KIF25: variants seen among roughly 807,000 people sequenced by gnomAD.
The protein encoded by KIF25 is kinesin family member 25, also known as kinesin-like protein KIF25.
Under a neutral mutation model 32.9 loss-of-function variants are expected in KIF25, and 19 were observed. The ratio of observed to expected loss-of-function variants is 0.58; its 90% CI spans 0.40 to 0.85. KIF25 has a LOEUF of 0.85. KIF25 is among the 40% of genes least tolerant of loss of function. The pLI, the probability that KIF25 is intolerant of heterozygous loss-of-function variation, is 0.00. For synonymous variants in KIF25, 225 were observed against 213.7 expected (o/e 1.05, Z -0.46); for missense variants, 485 against 507.0 (o/e 0.96, Z 0.42).
chr6:168,033,455 G>A (rs1798969787), intron 7 of KIF25, among the ~76,000 whole-genome samples: 1 of 149,944 alleles, frequency 6.7e-6, no homozygotes, highest in South Asian at 2.1e-4. Context: ...AGCCAAAATT[G>A]TGCCATTGCA....
intron 5 of KIF25, among the ~76,000 whole-genome samples, chr6:168,026,642 A>T (rs1217650526): frequency 2.0e-5 from 3 of 152,172 alleles, no homozygotes; most frequent in Non-Finnish European, 4.4e-5. Context: ...TGAGGGGGAA[A>T]GTTCAATTTT....
At chr6:168,034,085 G>T in intron 8 of KIF25, 54 bp downstream of exon 8, 1 of 1,595,944 alleles carries the variant, frequency 6.3e-7, no homozygotes, top group Non-Finnish European at 8.6e-7. Flanking sequence ...AAGCCAGGCG[G>T]TCAGCACCTT....
intron 8 of KIF25, among the ~76,000 whole-genome samples, chr6:168,036,809 C>A (rs1799031621): frequency 6.6e-6 from 1 of 152,186 alleles, no homozygotes; most frequent in Non-Finnish European, 1.5e-5. Flanking sequence ...CACCTATAAT[C>A]CCATAACTTT....
chr6:168,030,627 A>G, intron 6 of KIF25, 146 bp from the exon 7 acceptor site: 3 of 570,176 alleles, frequency 5.3e-6, no homozygotes, highest in Non-Finnish European at 9.4e-6. Flanking sequence ...GAAAAATAAC[A>G]CAGATTAATC....
chr6:168,024,877 C>T (rs186566711), intron 5 of KIF25, among the ~76,000 whole-genome samples: 4 of 152,056 alleles, frequency 2.6e-5, no homozygotes, highest in Admixed American at 2.6e-4. Flanking sequence ...ATGGTGAAAC[C>T]TCATCTCTAC....
intron 4 of KIF25, among the ~76,000 whole-genome samples, chr6:168,016,445 C>G (rs1798715593): frequency 6.6e-6 from 1 of 152,240 alleles, no homozygotes; most frequent in Non-Finnish European, 1.5e-5. Context: ...GCCCCAGCCA[C>G]CGGCTGCTCC....
intron 5 of KIF25, among the ~76,000 whole-genome samples, chr6:168,019,838 A>C (rs1328643046): frequency 2.6e-5 from 4 of 152,140 alleles, no homozygotes; most frequent in Non-Finnish European, 5.9e-5. Flanking sequence ...AGAACATTTG[A>C]AGAAGTCGGC....
In KIF25 at chr6:168,040,140, G is replaced by A; in HGVS notation, c.570G>A (p.Leu190=). 6.2e-7 allele frequency: 1 copy of A among 1,614,098 alleles called. No individual in the cohort carries two copies. The highest frequency in any genetic ancestry group is 2.2e-5 in the East Asian group (1 of 44,890). Residue 190 remains leucine (L), a synonymous_variant, in exon 10 of 13, where the codon CTG becomes CTA. Transcript: ENST00000643607. ...AGCTCAGGGCGAAGCACCCCACCCT[G>A]GTGCACGCGGATTCCTCCAGGTCTC... ...GLQLRAKHPT[L]VHADSSRSHL... is the part of the protein sequence containing the mutation.
intron 4 of KIF25, among the ~76,000 whole-genome samples, chr6:168,008,544 C>A (rs1798606881): frequency 6.6e-6 from 1 of 152,014 alleles, no homozygotes; most frequent in Non-Finnish European, 1.5e-5. Flanking sequence ...CTCAGCATTT[C>A]TTTGGCCTTT....
At chr6:168,039,667 T>A (rs1799086748) in intron 9 of KIF25, among the ~76,000 whole-genome samples, 1 of 152,250 alleles carries the variant, frequency 6.6e-6, no homozygotes, top group Admixed American at 6.5e-5. Context: ...GATTAAGAGC[T>A]CTGATTAGCA....
intron 4 of KIF25, among the ~76,000 whole-genome samples, chr6:168,014,303 A>T (rs1310282974): frequency 2.0e-5 from 3 of 152,110 alleles, no homozygotes; most frequent in Non-Finnish European, 4.4e-5. Context: ...TATTAACATC[A>T]CTGTTTGTTG....
rs572490182 is a variant in KIF25 at position 167,999,288 on chromosome 6, T to C, written c.-402T>C. On this transcript the variant is annotated 5_prime_UTR_variant, in exon 2 of 13. Transcript: ENST00000643607. ...GGATTCGTCCTTTGTTGCCTTTTGATAGTGAATCCGACGATCCAGTTTTGC... is the reference window on the plus strand; with the variant it reads ...GGATTCGTCCTTTGTTGCCTTTTGACAGTGAATCCGACGATCCAGTTTTGC... 1 of 152,372 alleles carries C rather than the reference T, an allele frequency of 6.6e-6. No individual in the cohort carries two copies. The highest frequency in any genetic ancestry group is 2.4e-5 in the African/African-American group (1 of 41,582). The allele number at this position is 152,372 out of a possible 1,614,324, so 9.4% of individuals were successfully genotyped here. A position where few individuals can be genotyped will look rare whatever the true frequency, so the allele number is the denominator to read the frequency against.
intron 5 of KIF25, among the ~76,000 whole-genome samples, chr6:168,019,877 G>A (rs1209458260): frequency 3.3e-5 from 5 of 152,138 alleles, no homozygotes; most frequent in Non-Finnish European, 7.3e-5. Flanking sequence ...GCTCACGCCT[G>A]TAATCCCAGC....
chr6:168,034,500 CCA>C (rs1345383695), intron 8 of KIF25, among the ~76,000 whole-genome samples: 1 of 152,150 alleles, frequency 6.6e-6, no homozygotes, highest in African/African-American at 2.4e-5. Flanking sequence ...CTTAGGTGAT[CCA>C]CTCGCCTCGG....
chr6:168,042,523 T>G, intron 11 of KIF25, 38 bp from the exon 12 acceptor site: 1 of 1,585,010 alleles, frequency 6.3e-7, no homozygotes, highest in South Asian at 1.1e-5. Flanking sequence ...CCTCCTTTCT[T>G]GGTGCAAACG....
intron 5 of KIF25, among the ~76,000 whole-genome samples, chr6:168,022,994 C>A (rs927682205): frequency 1.3e-5 from 2 of 152,064 alleles, no homozygotes; most frequent in African/African-American, 4.8e-5. Context: ...CCTGACTCCT[C>A]ATCTAGACTC....
chr6:168,042,881 C>T (rs1196713118), intron 12 of KIF25, among the ~76,000 whole-genome samples, 165 bp downstream of exon 12: 2 of 152,164 alleles, frequency 1.3e-5, no homozygotes, highest in Non-Finnish European at 2.9e-5. Flanking sequence ...GGTCATTCTC[C>T]TGCGCCGTCT....
intron 5 of KIF25, among the ~76,000 whole-genome samples, chr6:168,028,744 T>C (rs1245800003): frequency 1.3e-5 from 2 of 152,228 alleles, no homozygotes; most frequent in African/African-American, 4.8e-5. Flanking sequence ...ACTTTTCACT[T>C]GTTTGAGTTT....
intron 8 of KIF25, among the ~76,000 whole-genome samples, chr6:168,035,467 GGGCGGGAACGGTGCTGAGGTGGT>G (rs1799007890): frequency 7.1e-6 from 1 of 141,040 alleles, no homozygotes; most frequent in African/African-American, 2.6e-5. Context: ...GCTGCGGGGG[GGGCGGGAACGGTGCTGAGGTGGT>G]GGCGGGAACT....
Sources: gnomAD v4.1 joint callset for allele counts (sites outside exome capture counted in the v4.1 genomes callset) on GRCh38, gnomAD v4.1.1 for gene constraint, MANE v1.5 for transcripts, NCBI Gene and HGNC (gene_info 2026-07-23, HGNC 2026-07-21) for gene names.